Variants in ALDH2 observed in about 807,000 individuals in gnomAD.
ALDH2 encodes the protein aldehyde dehydrogenase, mitochondrial.
A neutral mutation model predicts 59.6 loss-of-function variants in ALDH2; 44 were observed. That is an observed-to-expected ratio of 0.74 (90% confidence interval 0.58 to 0.95). The LOEUF (loss-of-function observed/expected upper bound fraction) is 0.95, where lower values mean the gene tolerates loss of function less well. Among genes scored for constraint, ALDH2 ranks in the 40% least tolerant of loss-of-function variants. The probability of loss-of-function intolerance (pLI) is 0.00; values close to 1 mark genes in which losing one functional copy is unlikely to be tolerated. For missense variants in ALDH2, 570 were observed against 696.3 expected, an observed-to-expected ratio of 0.82 and a Z score of 2.04; for synonymous variants, 291 against 284.0, an observed-to-expected ratio of 1.02 and a Z score of -0.25.
At chr12:111,794,102 T>G (rs1593081429) in intron 9 of ALDH2, among the ~76,000 whole-genome samples, 1 of 146,050 alleles carries the variant, frequency 6.8e-6, no homozygotes. Flanking sequence ...CACTGCAACC[T>G]GTACCTCCTG....
chr12:111,772,674 G>GTTT lies in ALDH2; in HGVS notation c.114+5593_114+5595dup, dbSNP rs57462838. Among the ~76,000 whole-genome samples the GTTT allele has an allele frequency of 1.3e-4, 16 of 124,664 alleles. 1 individual carries two copies. The highest frequency in any genetic ancestry group is 7.9e-4 in the South Asian group (3 of 3,820). The allele number at this position is 124,664 out of a possible 152,430, so 81.8% of individuals were successfully genotyped here. A position where few individuals can be genotyped will look rare whatever the true frequency, so the allele number is the denominator to read the frequency against. On this transcript the variant is annotated intron_variant, in intron 1 of 12. Transcript: ENST00000261733. ...CTGCACCTGGCCTCTTTTTTTTTTG[G>GTTT]TTTTTTTTTTTTTTTTTGAGACAGG...
chr12:111,784,755 C>T (rs1178582469), intron 3 of ALDH2, among the ~76,000 whole-genome samples: 1 of 152,172 alleles, frequency 6.6e-6, no homozygotes, highest in Non-Finnish European at 1.5e-5. Flanking sequence ...GCTGGGATTA[C>T]AGGTGTGCAC....
At chr12:111,807,494 G>A (rs1336234612) in intron 12 of ALDH2, among the ~76,000 whole-genome samples, 2 of 152,158 alleles carry the variant, frequency 1.3e-5, no homozygotes, top group Non-Finnish European at 2.9e-5. Context: ...TCGGATAAAA[G>A]GTCCAACTTC....
rs541065582 is a variant in ALDH2 at position 111,767,306 on chromosome 12, G to A, written c.114+210G>A. On this transcript the variant is annotated intron_variant, in intron 1 of 12. Transcript: ENST00000261733. ...CTGACAGTCCCCGTCCCATTTCCCC[G>A]TGACTTGGGCCCCCTCTCCGTCTTC... 3.3e-5 allele frequency among the ~76,000 whole-genome samples: 5 copies of A among 152,132 alleles called. No individual in the cohort carries two copies. In the South Asian group the frequency reaches 1.0e-3, roughly 32 times the overall value.
intron 9 of ALDH2, among the ~76,000 whole-genome samples, chr12:111,796,059 G>A (rs1210564570): frequency 2.7e-5 from 4 of 150,836 alleles, no homozygotes; most frequent in Non-Finnish European, 3.0e-5. Context: ...CCAGGATTTC[G>A]AGATCAGCCT....
At position 111,792,646 on chromosome 12, in the gene ALDH2, G is replaced by A. The variant is rs2068370809; in HGVS notation, c.947G>A (p.Gly316Asp). The A allele has an allele frequency of 3.1e-6, 5 of 1,612,848 alleles. No individual in the cohort carries two copies. The East Asian group carries it at 1.1e-4, about 36-fold the overall frequency. The change falls in exon 9 of 13, where the codon GGC (glycine) becomes GAC (aspartate). Residue 316 changes from glycine (G) to aspartate (D), a missense_variant. Gly to Asp is a moderately conservative substitution (Grantham distance 94, BLOSUM62 -1). Coordinates refer to ENST00000261733, the MANE Select transcript of ALDH2 (RefSeq NM_000690.4). ...CACTTCGCCCTGTTCTTCAACCAGG[G>A]CCAGTGCTGCTGTGCCGGCTCCCGG... ...QAHFALFFNQ[G>D]QCCCAGSRTF...
chr12:111,811,980 G>C lies in ALDH2; in HGVS notation c.*2405G>C, dbSNP rs2068539100. On this transcript the variant is annotated 3_prime_UTR_variant, in exon 13 of 13. Coordinates refer to ENST00000261733, the MANE Select transcript of ALDH2 (RefSeq NM_000690.4). The stretch of plus-strand genomic sequence containing the variant: ...TATTGGATACAAAGCAAAAGGGGCA[G>C]GGTAAAGAGTGTGAGTCATCTCCAA... The C allele has an allele frequency of 6.0e-6, 1 of 167,650 alleles. No homozygotes were observed. The highest frequency in any genetic ancestry group is 1.6e-4 in the South Asian group (1 of 6,068). 10.4% of individuals were successfully genotyped at this position (167,650 alleles called of 1,614,324 possible). A position where few individuals can be genotyped will look rare whatever the true frequency, so the allele number is the denominator to read the frequency against.
intron 9 of ALDH2, among the ~76,000 whole-genome samples, chr12:111,793,531 G>A (rs146607632): frequency 1.9e-4 from 29 of 151,824 alleles, no homozygotes; most frequent in African/African-American, 7.0e-4. Flanking sequence ...TGTTAGTATT[G>A]ATGAGCCAAT....
chr12:111,774,199 C>T (rs894149351), intron 1 of ALDH2, among the ~76,000 whole-genome samples: 2 of 152,110 alleles, frequency 1.3e-5, no homozygotes, highest in African/African-American at 4.8e-5. Flanking sequence ...CGTCTGTCTG[C>T]CTGGGTTAGT....
chr12:111,783,266 G>T lies in ALDH2; in HGVS notation c.328G>T (p.Asp110Tyr), dbSNP rs147086207. ...GGGCCGGCTGCTGAACCGCCTGGCC[G>T]ATCTGATCGAGCGGGACCGGACCTA... ...HRGRLLNRLA[D>Y]LIERDRTYLA... Residue 110 changes from aspartate (D) to tyrosine (Y), a missense_variant, in exon 3 of 13, where the codon GAT becomes TAT. Transcript: ENST00000261733. The T allele has an allele frequency of 5.0e-6, 8 of 1,612,258 alleles. No individual in the cohort carries two copies. In the East Asian group the frequency reaches 1.8e-4, roughly 36 times the overall value.
Position 111,803,902 on chromosome 12 carries a change from G to A in ALDH2, c.1450G>A (p.Gly484Ser), listed in dbSNP as rs754265114. The change falls in exon 12 of 13, where the codon GGC (glycine) becomes AGC (serine). Residue 484 changes from glycine to serine, a missense_variant. Physicochemically the swap from Gly to Ser is moderately conservative, Grantham distance 56. Coordinates refer to ENST00000261733, the MANE Select transcript of ALDH2 (RefSeq NM_000690.4). ...GTTTGGAGCCCAGTCACCCTTTGGT[G>A]GCTACAAGATGTCGGGGAGTGGCCG... ...DVFGAQSPFGGYKMSGSGREL... is the reference protein window; with the variant it reads ...DVFGAQSPFGSYKMSGSGREL... The A allele has an allele frequency of 1.2e-6, 2 of 1,613,582 alleles. No homozygotes were observed. Among genetic ancestry groups the A allele is most frequent in the East Asian group, 2.2e-5 (1 of 44,870 alleles).
intron 3 of ALDH2, 71 bp from the exon 4 acceptor site, chr12:111,785,196 G>A (rs949701064): frequency 1.5e-5 from 19 of 1,274,518 alleles, no homozygotes; most frequent in Middle Eastern, 1.8e-4. Flanking sequence ...CAGCCTTGGC[G>A]CCCTCTGTCA....
intron 1 of ALDH2, among the ~76,000 whole-genome samples, chr12:111,777,636 ACCCGGGAACTCCCTTCTCCT>A (rs1347274664): frequency 1.3e-5 from 2 of 152,064 alleles, no homozygotes; most frequent in African/African-American, 4.8e-5. Context: ...CAGCAGGCAG[ACCCGGGAACTCCCTTCTCCT>A]CCACGGGCAC....
intron 10 of ALDH2, among the ~76,000 whole-genome samples, chr12:111,798,656 TTC>T (rs2068424199): frequency 6.6e-6 from 1 of 152,086 alleles, no homozygotes; most frequent in Non-Finnish European, 1.5e-5. Context: ...CACCTCAGCC[TTC>T]TGAGTAGCTG....
chr12:111,772,861 G>A (rs1190646983), intron 1 of ALDH2, among the ~76,000 whole-genome samples: 1 of 151,188 alleles, frequency 6.6e-6, no homozygotes. Flanking sequence ...AGCCTCTATA[G>A]AAATAGATTT....
In ALDH2 at chr12:111,781,661, A is replaced by G. The variant is rs546377340; in HGVS notation, c.115-257A>G. Among the ~76,000 whole-genome samples, 6 of 152,362 alleles carry G rather than the reference A, an allele frequency of 3.9e-5. No individual in the cohort carries two copies. The South Asian group carries it at 1.2e-3, about 32-fold the overall frequency. On this transcript the variant is annotated intron_variant, in intron 1 of 12. Coordinates refer to ENST00000261733, the MANE Select transcript of ALDH2 (RefSeq NM_000690.4). ...CTTTGTTACACAGCAATGGATAACT[A>G]GAACAAGTATGAACATTCTCTTCAT... is the stretch of plus-strand genomic sequence containing the variant.
chr12:111,799,751 C>T (rs2068433737), intron 10 of ALDH2, 155 bp from the exon 11 acceptor site: 1 of 903,894 alleles, frequency 1.1e-6, no homozygotes, highest in East Asian at 2.7e-5. Flanking sequence ...CCTCTGTGTT[C>T]TGCTGAGCTT....
chr12:111,791,858 C>T (rs937569211), intron 7 of ALDH2, among the ~76,000 whole-genome samples: 1 of 152,056 alleles, frequency 6.6e-6, no homozygotes, highest in African/African-American at 2.4e-5. Context: ...GCTGAGATCA[C>T]GCCACTGCAC....
chr12:111,767,150 G>GC (rs2068165310), intron 1 of ALDH2, 54 bp downstream of exon 1: 3 of 1,378,770 alleles, frequency 2.2e-6, no homozygotes, highest in Middle Eastern at 1.9e-4. Flanking sequence ...TCCCCCGCAG[G>GC]CCCCTAGGAA....
Sources: gnomAD v4.1 joint callset for allele counts (sites outside exome capture counted in the v4.1 genomes callset) on GRCh38, gnomAD v4.1.1 for gene constraint, MANE v1.5 for transcripts, NCBI Gene and HGNC (gene_info 2026-07-23, HGNC 2026-07-21) for gene names.